ABCC9: variants seen among roughly 807,000 people sequenced by gnomAD.
ABCC9 encodes the protein ATP binding cassette subfamily C member 9, also known as ATP-binding cassette sub-family C member 9.
A neutral mutation model predicts 188.3 loss-of-function variants in ABCC9; 95 were observed. The observed-to-expected ratio is 0.50, with a 90% CI of 0.43 to 0.60. The LOEUF (loss-of-function observed/expected upper bound fraction) is 0.60, where lower values mean the gene tolerates loss of function less well. Ranked by LOEUF, ABCC9 falls within the 20% of genes least tolerant of loss-of-function variation. The probability of loss-of-function intolerance (pLI) is 0.00; values close to 1 mark genes in which losing one functional copy is unlikely to be tolerated. For missense variants in ABCC9, 1,102 were observed against 1,876.3 expected (o/e 0.59, Z 7.62); for synonymous variants, 659 against 652.7 (o/e 1.01, Z -0.15).
At chr12:21,837,933 A>AT in intron 30 of ABCC9, 145 bp downstream of exon 30, 1 of 733,526 alleles carries the variant, frequency 1.4e-6, no homozygotes, top group Non-Finnish European at 2.4e-6. Flanking sequence ...TTTACACCAA[A>AT]TTTTTCTTAT....
Position 21,912,924 on chromosome 12 carries a change from C to A in ABCC9, c.959G>T (p.Gly320Val), listed in dbSNP as rs200272254. 3 of 1,613,604 alleles carry A rather than the reference C, an allele frequency of 1.9e-6. No homozygotes were observed. The Admixed American group carries it at 5.0e-5, about 27-fold the overall frequency. ...LGFAGPLCIS[G>V]IVQRVNETQN... ...GGTTTCATTCACACGCTGAACTATT[C>A]CAGAAATACAAAGAGGTCCAGCAAA... The change falls in exon 8 of 40, where the codon GGA becomes GTA. Residue 320 changes from glycine (G) to valine (V), a missense_variant. By Grantham distance (109) the Gly-to-Val change is moderately radical (BLOSUM62 -3). Coordinates refer to ENST00000261200, the MANE Select transcript of ABCC9 (RefSeq NM_020297.4).
intron 29 of ABCC9, among the ~76,000 whole-genome samples, chr12:21,839,631 AT>A (rs1944276497): frequency 6.6e-6 from 1 of 152,168 alleles, no homozygotes; most frequent in Non-Finnish European, 1.5e-5. Flanking sequence ...AATGCATTCC[AT>A]TTTTTACTTT....
Position 21,887,866 on chromosome 12 carries a change from C to A in ABCC9, c.1871G>T (p.Ser624Ile). 1 of 1,613,532 alleles carries A rather than the reference C, an allele frequency of 6.2e-7. No homozygotes were observed. The highest frequency in any genetic ancestry group is 1.7e-4 in the Middle Eastern group (1 of 6,058). ...CTTACAGGACTCAAAAGGAAGCGAA[C>A]TTTCACCAGTTCGCCAACTGTCGTC... ...IGDDSWRTGE[S>I]SLPFESCKKH... The change falls in exon 15 of 40, where the codon AGT becomes ATT. Residue 624 changes from serine (S) to isoleucine (I), a missense_variant. Around this residue, in one of 12 missense-constraint regions of ABCC9, gnomAD observed 258 missense variants for 325.6 expected, o/e 0.79. Coordinates refer to ENST00000261200, the MANE Select transcript of ABCC9 (RefSeq NM_020297.4).
Position 21,912,762 on chromosome 12 carries a change from T to A in ABCC9, c.1011+110A>T. 4 of 925,050 alleles carry A rather than the reference T, an allele frequency of 4.3e-6. No homozygotes were observed. In the South Asian group the frequency reaches 6.2e-5, roughly 14 times the overall value. The allele number at this position is 925,050 out of a possible 1,614,324, so 57.3% of individuals were successfully genotyped here. On this transcript the variant is annotated intron_variant, in intron 8 of 39. Transcript: ENST00000261200. ...CTTTCTTTTAGAAAGCATTCAATTC[T>A]CTGAAAAAAAGCCTATTTGAACAAC...
chr12:21,801,989 A>G (rs1369038874), intron 39 of ABCC9, among the ~76,000 whole-genome samples: 3 of 152,124 alleles, frequency 2.0e-5, no homozygotes, highest in Non-Finnish European at 2.9e-5. Flanking sequence ...AATGTGAGCT[A>G]TTTCCATCCT....
intron 12 of ABCC9, among the ~76,000 whole-genome samples, chr12:21,901,900 C>T (rs1376149294): frequency 2.0e-5 from 3 of 152,154 alleles, no homozygotes; most frequent in African/African-American, 7.2e-5. Flanking sequence ...ATCAACAAGA[C>T]AGAAAGTTAA....
chr12:21,848,785 C>A (rs566680425), intron 24 of ABCC9, among the ~76,000 whole-genome samples: 1 of 151,988 alleles, frequency 6.6e-6, no homozygotes, highest in Non-Finnish European at 1.5e-5. Flanking sequence ...AGGTAGAGAA[C>A]GTTGAAGAAA....
intron 4 of ABCC9, among the ~76,000 whole-genome samples, chr12:21,927,226 A>T (rs1272220511): frequency 6.6e-6 from 1 of 152,258 alleles, no homozygotes; most frequent in East Asian, 1.9e-4. Flanking sequence ...AAGGCTTTGT[A>T]TGCCATGGTA....
intron 18 of ABCC9, among the ~76,000 whole-genome samples, chr12:21,872,256 C>G (rs1175956649): frequency 6.6e-6 from 1 of 152,154 alleles, no homozygotes; most frequent in Non-Finnish European, 1.5e-5. Flanking sequence ...AACTTTAAGG[C>G]ACTGTTTCTA....
intron 12 of ABCC9, among the ~76,000 whole-genome samples, chr12:21,896,117 A>G (rs959375810): frequency 3.4e-4 from 26 of 76,892 alleles, no homozygotes; most frequent in African/African-American, 1.4e-3. Flanking sequence ...TTTTTTTTTT[A>G]TTATACTTTA....
intron 13 of ABCC9, 152 bp from the exon 14 acceptor site, chr12:21,894,326 A>G: frequency 3.2e-6 from 3 of 935,726 alleles, no homozygotes; most frequent in Non-Finnish European, 5.0e-6. Flanking sequence ...TAATTAAAAC[A>G]ATACTTGCTT....
intron 31 of ABCC9, chr12:21,828,300 T>A (rs1253115832): frequency 1.3e-5 from 2 of 154,890 alleles, no homozygotes; most frequent in African/African-American, 4.8e-5. Flanking sequence ...CAATTCATTA[T>A]TCATTCATGC....
intron 39 of ABCC9, among the ~76,000 whole-genome samples, chr12:21,804,715 G>T (rs908051798): frequency 6.6e-6 from 1 of 152,068 alleles, no homozygotes; most frequent in Non-Finnish European, 1.5e-5. Context: ...CACTCCAAAG[G>T]GTTCTGTTTC....
rs1319919965 is a variant in ABCC9, at chr12:21,807,444, C to T, written c.4351G>A (p.Val1451Ile). The T allele has an allele frequency of 3.1e-6, 5 of 1,613,810 alleles. No homozygotes were observed. The highest frequency in any genetic ancestry group is 1.1e-5 in the South Asian group (1 of 91,086). Residue 1451 changes from valine (V) to isoleucine (I), a missense_variant, in exon 38 of 40, where the codon GTT (valine) becomes ATT (isoleucine). Val to Ile is a conservative substitution (Grantham distance 29). Around this residue, in one of 12 missense-constraint regions of ABCC9, gnomAD observed 40 missense variants for 105.5 expected, o/e 0.38. Transcript: ENST00000261200. Reference protein sequence around the residue: ...VVTEGGENFSVGQRQLFCLAR... With the variant: ...VVTEGGENFSIGQRQLFCLAR... Reference sequence around the variant, plus strand: ...AGGCAAAATAGCTGTCTCTGTCCAACGCTAAAATTCTCCCCACCTTCAGTG... The same window carrying T: ...AGGCAAAATAGCTGTCTCTGTCCAATGCTAAAATTCTCCCCACCTTCAGTG...
intron 2 of ABCC9, 112 bp from the exon 3 acceptor site, chr12:21,936,806 T>C: frequency 1.3e-6 from 1 of 752,150 alleles, no homozygotes; most frequent in Non-Finnish European, 2.1e-6. Context: ...CCCTTTTACT[T>C]TGATAGCTGA....
Position 21,800,220 on chromosome 12 carries a change from G to A in ABCC9, c.*824C>T, listed in dbSNP as rs1159627276. On this transcript the variant is annotated 3_prime_UTR_variant, in exon 40 of 40. Transcript: ENST00000261200. ...CTTGCCTGTGTAAATCTTGAGTAAT[G>A]TGGCATGTTAGGGCTCAAGATCATA... 1 of 152,144 alleles carries A rather than the reference G, an allele frequency of 6.6e-6. No homozygotes were observed. The highest frequency in any genetic ancestry group is 1.5e-5 in the Non-Finnish European group (1 of 68,024). The allele number at this position is 152,144 out of a possible 1,614,324, so 9.4% of individuals were successfully genotyped here.
rs1220877227 is a variant in ABCC9, at chr12:21,798,144, G to C, written c.*2900C>G. On this transcript the variant is annotated 3_prime_UTR_variant, in exon 40 of 40. Transcript: ENST00000261200. ...TGAGGGGACCAGCAACCACTTGGCT[G>C]TAAGAATGGTGAATGTGATCTTTAG... 1 of 152,192 alleles carries C rather than the reference G, an allele frequency of 6.6e-6. No individual in the cohort carries two copies. The highest frequency in any genetic ancestry group is 1.5e-5 in the Non-Finnish European group (1 of 68,032). The allele number at this position is 152,192 out of a possible 1,614,324, so 9.4% of individuals were successfully genotyped here. A position where few individuals can be genotyped will look rare whatever the true frequency, so the allele number is the denominator to read the frequency against.
intron 30 of ABCC9, among the ~76,000 whole-genome samples, chr12:21,830,037 G>T (rs1015353839): frequency 9.2e-5 from 14 of 152,164 alleles, no homozygotes; most frequent in Admixed American, 5.9e-4. Context: ...AAAGGAATTT[G>T]GTCTGTGTAC....
chr12:21,864,954 G>A (rs1011135570), intron 18 of ABCC9, among the ~76,000 whole-genome samples: 1 of 152,048 alleles, frequency 6.6e-6, no homozygotes, highest in African/African-American at 2.4e-5. Flanking sequence ...AAAACACACT[G>A]GCCCCTCAGG....
Sources: gnomAD v4.1 joint callset for allele counts (sites outside exome capture counted in the v4.1 genomes callset) on GRCh38, gnomAD v4.1.1 for gene constraint, gnomAD v4.1.1 regional missense constraint, MANE v1.5 for transcripts, NCBI Gene and HGNC (gene_info 2026-07-23, HGNC 2026-07-21) for gene names.